LENG9: variants seen among roughly 807,000 people sequenced by gnomAD.
LENG9 encodes the protein leukocyte receptor cluster (LRC) member 9.
For synonymous variants in LENG9, 410 were observed against 303.9 expected (o/e 1.35, Z -3.63); for missense variants, 872 against 652.7 (o/e 1.34, Z -3.66).
In LENG9 at chr19:54,462,254, G is replaced by A; in HGVS notation, c.1273C>T (p.Leu425Phe). Reference protein sequence around the residue: ...LQSPGQLHPHLTVAKVPHGSQ... With the variant: ...LQSPGQLHPHFTVAKVPHGSQ... ...CCATGGGGCACCTTGGCCACGGTGA[G>A]GTGGGGGTGCAGCTGCCCTGGAGAC... Residue 425 changes from leucine to phenylalanine, a missense_variant, in exon 1 of 1, where the codon CTC becomes TTC. Transcript: ENST00000611161. The A allele has an allele frequency of 5.0e-6, 8 of 1,611,816 alleles. No homozygotes were observed. The highest frequency in any genetic ancestry group is 5.9e-6 in the Non-Finnish European group (7 of 1,178,680).
rs752707332 is a variant in LENG9 at position 54,462,716 on chromosome 19, C to G, written c.811G>C (p.Glu271Gln). The change falls in exon 1 of 1, where the codon GAA becomes CAA. Residue 271 changes from glutamate (E) to glutamine (Q), a missense_variant. Glu to Gln is a conservative substitution (Grantham distance 29). Transcript: ENST00000611161. ...CAGGCCGCAGGACCCCACTCGGCTT[C>G]TGTCGTCTCAGCGGAGCCCCCCGGG... is the stretch of plus-strand genomic sequence containing the variant. ...GVPGGSAETT[E>Q]AEWGPAAWPE... 1 of 1,610,850 alleles carries G rather than the reference C, an allele frequency of 6.2e-7. No homozygotes were observed. The highest frequency in any genetic ancestry group is 1.3e-5 in the African/African-American group (1 of 74,940).
At position 54,462,951 on chromosome 19, in the gene LENG9, G is replaced by A; in HGVS notation, c.576C>T (p.Ser192=). ...QEAQAAPKRG[S]TRPLCTGHQE... is the part of the protein sequence containing the mutation. The stretch of plus-strand genomic sequence containing the variant: ...GGTGCCCTGTGCAGAGCGGCCTTGT[G>A]CTCCCTCGCTTGGGGGCAGCCTGGG... Residue 192 remains serine, a synonymous_variant, in exon 1 of 1, where the codon AGC becomes AGT. Transcript: ENST00000611161. 6.2e-7 allele frequency: 1 copy of A among 1,610,726 alleles called. No homozygotes were observed. Among genetic ancestry groups the A allele is most frequent in the Non-Finnish European group, 8.5e-7 (1 of 1,179,876 alleles).
chr19:54,463,373 C>A lies in LENG9; in HGVS notation c.154G>T (p.Glu52Ter), dbSNP rs1314943055. 7.6e-7 allele frequency: 1 copy of A among 1,308,110 alleles called. No individual in the cohort carries two copies. The highest frequency in any genetic ancestry group is 9.7e-7 in the Non-Finnish European group (1 of 1,032,232). The allele number at this position is 1,308,110 out of a possible 1,614,324, so 81.0% of individuals were successfully genotyped here. A position where few individuals can be genotyped will look rare whatever the true frequency, so the allele number is the denominator to read the frequency against. Residue 52 changes from glutamate (E) to a stop codon, truncating the protein, a stop_gained, in exon 1 of 1, where the codon GAG (glutamate) becomes TAG (stop). Transcript: ENST00000611161. LOFTEE classifies it low-confidence loss of function (END_TRUNC). ...TTGGCCCCGGCCTCCGGCTGCGCCT[C>A]GCGGCCAGGCGGCGCCGGCGCCCCA... ...HPGAPAPPGR[E>*]AQPEAGAKKP...
Position 54,462,755 on chromosome 19 carries a change from G to C in LENG9, c.772C>G (p.Gln258Glu), listed in dbSNP as rs746859744. The change falls in exon 1 of 1, where the codon CAG becomes GAG. Residue 258 changes from glutamine (Q) to glutamate (E), a missense_variant. Physicochemically the swap from Gln to Glu is conservative, Grantham distance 29. Transcript: ENST00000611161. ...GAGCCCCCCGGGACTCCCAGGGCCT[G>C]TGCTTCCTTGCCCCCCAGCAATGTG... is the stretch of plus-strand genomic sequence containing the variant. ...RTTLLGGKEA[Q>E]ALGVPGGSAE... The C allele has an allele frequency of 1.1e-5, 18 of 1,611,226 alleles. 1 individual carries two copies. The highest frequency in any genetic ancestry group is 1.7e-6 in the Non-Finnish European group (2 of 1,179,992).
rs1190689656 is a variant in LENG9, at chr19:54,462,004, GAGAA to G, written c.*82_*85del. ...GCTTGAGAGAAACCAAAATTAAAGA[GAGAA>G]AGAGAGAGCGTGCACGCTCCTGCTT... On this transcript the variant is annotated 3_prime_UTR_variant, in exon 1 of 1. Transcript: ENST00000611161. 6.5e-5 allele frequency: 93 copies of G among 1,432,490 alleles called. No individual in the cohort carries two copies. The Middle Eastern group carries it at 9.0e-4, about 14-fold the overall frequency. 88.7% of individuals were successfully genotyped at this position (1,432,490 alleles called of 1,614,324 possible).
rs913867005 is a variant in LENG9, at chr19:54,462,578, C to T, written c.949G>A (p.Ala317Thr). The T allele has an allele frequency of 4.3e-6, 7 of 1,613,786 alleles. No individual in the cohort carries two copies. In the Admixed American group the frequency reaches 1.2e-4, roughly 27 times the overall value. ...GCCACGTGGACCAGGTATTCCTGGG[C>T]CTTGGTCACTTCTGCTTGTAGCCCA... ...EPGLQAEVTK[A>T]QEYLVHVAPH... The change falls in exon 1 of 1, where the codon GCC (alanine) becomes ACC (threonine). Residue 317 changes from alanine to threonine, a missense_variant. Coordinates refer to ENST00000611161, the MANE Select transcript of LENG9 (RefSeq NM_001301782.2).
chr19:54,463,191 C>G lies in LENG9; in HGVS notation c.336G>C (p.Ala112=), dbSNP rs1228251434. 6.4e-7 allele frequency: 1 copy of G among 1,565,810 alleles called. No individual in the cohort carries two copies. Among genetic ancestry groups the G allele is most frequent in the Admixed American group, 1.8e-5 (1 of 54,580 alleles). ...GCACTGCCAGCACGCCCGGCCCGAG[C>G]GCCGCCAGCGGCTGGTCCCAGCAAA... ...SAFCWDQPLA[A]LGPGVLAVPQ... The change falls in exon 1 of 1, where the codon GCG becomes GCC. Residue 112 remains alanine (A), a synonymous_variant. Coordinates refer to ENST00000611161, the MANE Select transcript of LENG9 (RefSeq NM_001301782.2).
In LENG9 at chr19:54,461,894, T is replaced by A. The variant is rs2084588114; in HGVS notation, c.*196A>T. 1 of 785,512 alleles carries A rather than the reference T, an allele frequency of 1.3e-6. No homozygotes were observed. Among genetic ancestry groups the A allele is most frequent in the Admixed American group, 1.9e-5 (1 of 52,786 alleles). The allele number at this position is 785,512 out of a possible 1,614,324, so 48.7% of individuals were successfully genotyped here. On this transcript the variant is annotated 3_prime_UTR_variant, in exon 1 of 1. Transcript: ENST00000611161. ...TGTCAGGCTGCTTTTTTTCCAGATGTTCCTCCTCTGCCTCCCCTTCCCCTC... is the reference window on the plus strand; with the variant it reads ...TGTCAGGCTGCTTTTTTTCCAGATGATCCTCCTCTGCCTCCCCTTCCCCTC...
In LENG9 at chr19:54,462,980, C is replaced by A. The variant is rs779824485; in HGVS notation, c.547G>T (p.Glu183Ter). Reference sequence around the variant, plus strand: ...CCTCGCTTGGGGGCAGCCTGGGCCTCCTGACCTGTCCCCGCCAGTGTCCAC... The same window carrying A: ...CCTCGCTTGGGGGCAGCCTGGGCCTACTGACCTGTCCCCGCCAGTGTCCAC... Reference protein sequence around the residue: ...AEWTLAGTGQEAQAAPKRGST... With the variant: ...AEWTLAGTGQ The change falls in exon 1 of 1, where the codon GAG (glutamate) becomes TAG (stop). Residue 183 changes from glutamate to a stop codon, truncating the protein, a stop_gained. Coordinates refer to ENST00000611161, the MANE Select transcript of LENG9 (RefSeq NM_001301782.2). LOFTEE classifies it low-confidence loss of function (END_TRUNC). 1 of 1,606,000 alleles carries A rather than the reference C, an allele frequency of 6.2e-7. No individual in the cohort carries two copies. Among genetic ancestry groups the A allele is most frequent in the East Asian group, 2.2e-5 (1 of 44,816 alleles).
chr19:54,463,629 GC>G lies in LENG9; in HGVS notation c.-104del. On this transcript the variant is annotated 5_prime_UTR_variant, in exon 1 of 1. Transcript: ENST00000611161. The stretch of plus-strand genomic sequence containing the variant: ...GCCTCACCCGACAGTGGCGTCAGCG[GC>G]CCGCGCTCCGGCCTAGCTCTGGGGA... 7.9e-7 allele frequency: 1 copy of G among 1,258,126 alleles called. No homozygotes were observed. The allele number at this position is 1,258,126 out of a possible 1,614,324, so 77.9% of individuals were successfully genotyped here.
Position 54,462,750 on chromosome 19 carries a change from G to T in LENG9, c.777C>A (p.Ala259=), listed in dbSNP as rs544775396. Reference sequence around the variant, plus strand: ...CAGCGGAGCCCCCCGGGACTCCCAGGGCCTGTGCTTCCTTGCCCCCCAGCA... The same window carrying T: ...CAGCGGAGCCCCCCGGGACTCCCAGTGCCTGTGCTTCCTTGCCCCCCAGCA... The part of the protein sequence containing the change: ...TTLLGGKEAQ[A]LGVPGGSAET... Residue 259 remains alanine (A), a synonymous_variant, in exon 1 of 1, where the codon GCC becomes GCA. Coordinates refer to ENST00000611161, the MANE Select transcript of LENG9 (RefSeq NM_001301782.2). 7 of 1,611,282 alleles carry T rather than the reference G, an allele frequency of 4.3e-6. No homozygotes were observed. Among genetic ancestry groups the T allele is most frequent in the Middle Eastern group, 1.7e-4 (1 of 6,060 alleles).
rs759033007 is a variant in LENG9 at position 54,462,502 on chromosome 19, A to G, written c.1025T>C (p.Leu342Pro). Residue 342 changes from leucine to proline, a missense_variant, in exon 1 of 1, where the codon CTG becomes CCG. Transcript: ENST00000611161. ...LVPSQNLHLT[L>P]ALLRLAGAGE... ...AGCGCCTGCCAGTCGCAGCAGGGCC[A>G]GGGTCAGGTGTAGGTTCTGAGAGGG... 3 of 1,613,496 alleles carry G rather than the reference A, an allele frequency of 1.9e-6. No homozygotes were observed. The highest frequency in any genetic ancestry group is 2.5e-6 in the Non-Finnish European group (3 of 1,180,020).
Position 54,463,418 on chromosome 19 carries a change from G to A in LENG9, c.109C>T (p.Arg37Cys). ...GCCCCAGGGTGGGGCTGGCGGCAGC[G>A]GGCGCCGAAGCGGCAGCGGCCTTCC... Reference protein sequence around the residue: ...FLEGRCRFGARCRQPHPGAPA... With the variant: ...FLEGRCRFGACCRQPHPGAPA... Residue 37 changes from arginine to cysteine, a missense_variant, in exon 1 of 1, where the codon CGC becomes TGC. Coordinates refer to ENST00000611161, the MANE Select transcript of LENG9 (RefSeq NM_001301782.2). 8.1e-7 allele frequency: 1 copy of A among 1,241,714 alleles called. No individual in the cohort carries two copies. The highest frequency in any genetic ancestry group is 1.0e-6 in the Non-Finnish European group (1 of 993,506). The allele number at this position is 1,241,714 out of a possible 1,614,324, so 76.9% of individuals were successfully genotyped here.
Position 54,462,545 on chromosome 19 carries a change from A to G in LENG9, c.982T>C (p.Cys328Arg). ...TGAGAGGGCACTAGGAAGTTGGCGC[A>G]GTGTGGGGCCACGTGGACCAGGTAT... is the stretch of plus-strand genomic sequence containing the variant. ...QEYLVHVAPH[C>R]ANFLVPSQNL... Residue 328 changes from cysteine (C) to arginine (R), a missense_variant, in exon 1 of 1, where the codon TGC becomes CGC. Cys to Arg is a radical substitution (Grantham distance 180). Coordinates refer to ENST00000611161, the MANE Select transcript of LENG9 (RefSeq NM_001301782.2). 1 of 1,613,674 alleles carries G rather than the reference A, an allele frequency of 6.2e-7. No individual in the cohort carries two copies. Among genetic ancestry groups the G allele is most frequent in the Non-Finnish European group, 8.5e-7 (1 of 1,180,006 alleles).
In LENG9 at chr19:54,461,977, A is replaced by G; in HGVS notation, c.*113T>C. 1 of 1,209,684 alleles carries G rather than the reference A, an allele frequency of 8.3e-7. No individual in the cohort carries two copies. The highest frequency in any genetic ancestry group is 1.2e-6 in the Non-Finnish European group (1 of 833,656). The allele number at this position is 1,209,684 out of a possible 1,614,324, so 74.9% of individuals were successfully genotyped here. A position where few individuals can be genotyped will look rare whatever the true frequency, so the allele number is the denominator to read the frequency against. On this transcript the variant is annotated 3_prime_UTR_variant, in exon 1 of 1. Transcript: ENST00000611161. ...CCTTGGAGCACTGAGCACCATTTGGAAGCTTGAGAGAAACCAAAATTAAAG... is the reference window on the plus strand; with the variant it reads ...CCTTGGAGCACTGAGCACCATTTGGGAGCTTGAGAGAAACCAAAATTAAAG...
Position 54,463,382 on chromosome 19 carries a change from G to A in LENG9, c.145C>T (p.Pro49Ser). 1 of 1,295,584 alleles carries A rather than the reference G, an allele frequency of 7.7e-7. No homozygotes were observed. Among genetic ancestry groups the A allele is most frequent in the East Asian group, 3.2e-5 (1 of 31,488 alleles). The allele number at this position is 1,295,584 out of a possible 1,614,324, so 80.3% of individuals were successfully genotyped here. A position where few individuals can be genotyped will look rare whatever the true frequency, so the allele number is the denominator to read the frequency against. ...GCCTCCGGCTGCGCCTCGCGGCCAGGCGGCGCCGGCGCCCCAGGGTGGGGC... is the reference window on the plus strand; with the variant it reads ...GCCTCCGGCTGCGCCTCGCGGCCAGACGGCGCCGGCGCCCCAGGGTGGGGC... Reference protein sequence around the residue: ...RQPHPGAPAPPGREAQPEAGA... With the variant: ...RQPHPGAPAPSGREAQPEAGA... The change falls in exon 1 of 1, where the codon CCT (proline) becomes TCT (serine). Residue 49 changes from proline to serine, a missense_variant. Physicochemically the swap from Pro to Ser is moderately conservative, Grantham distance 74 (BLOSUM62 -1). Coordinates refer to ENST00000611161, the MANE Select transcript of LENG9 (RefSeq NM_001301782.2).
Position 54,462,553 on chromosome 19 carries a change from GCC to G in LENG9, c.972_973del (p.Ala325ProfsTer53). ...CACTAGGAAGTTGGCGCAGTGTGGGGCCACGTGGACCAGGTATTCCTGGGCCT... is the reference window on the plus strand; with the variant it reads ...CACTAGGAAGTTGGCGCAGTGTGGGGACGTGGACCAGGTATTCCTGGGCCT... On this transcript the variant is annotated frameshift_variant, in exon 1 of 1. Coordinates refer to ENST00000611161, the MANE Select transcript of LENG9 (RefSeq NM_001301782.2). LOFTEE classifies it low-confidence loss of function (END_TRUNC). 1 of 1,613,722 alleles carries G rather than the reference GCC, an allele frequency of 6.2e-7. No homozygotes were observed. The highest frequency in any genetic ancestry group is 1.1e-5 in the South Asian group (1 of 91,088).
chr19:54,462,262 T>C lies in LENG9; in HGVS notation c.1265A>G (p.His422Arg). The C allele has an allele frequency of 6.2e-7, 1 of 1,610,132 alleles. No homozygotes were observed. The highest frequency in any genetic ancestry group is 1.3e-5 in the African/African-American group (1 of 74,974). ...CACCTTGGCCACGGTGAGGTGGGGGTGCAGCTGCCCTGGAGACTGTAGTGT... is the reference window on the plus strand; with the variant it reads ...CACCTTGGCCACGGTGAGGTGGGGGCGCAGCTGCCCTGGAGACTGTAGTGT... ...LSTLQSPGQLHPHLTVAKVPH... is the reference protein window; with the variant it reads ...LSTLQSPGQLRPHLTVAKVPH... Residue 422 changes from histidine (H) to arginine (R), a missense_variant, in exon 1 of 1, where the codon CAC (histidine) becomes CGC (arginine). Physicochemically the swap from His to Arg is conservative, Grantham distance 29. Coordinates refer to ENST00000611161, the MANE Select transcript of LENG9 (RefSeq NM_001301782.2).
chr19:54,463,122 C>A lies in LENG9; in HGVS notation c.405G>T (p.Val135=). 6.3e-7 allele frequency: 1 copy of A among 1,599,448 alleles called. No homozygotes were observed. The highest frequency in any genetic ancestry group is 2.2e-5 in the East Asian group (1 of 44,646). Residue 135 remains valine, a synonymous_variant, in exon 1 of 1, where the codon GTG becomes GTT. Transcript: ENST00000611161. ...GGTCGGTGCGCGAGGCGCGGTCCCA[C>A]ACAAGGCGGCCACGGAAGCGGAAGA... The part of the protein sequence containing the change: ...VRFFRFRGRL[V]WDRASRTDLV...
Sources: gnomAD v4.1 joint callset for allele counts on GRCh38, gnomAD v4.1.1 for gene constraint, MANE v1.5 for transcripts, NCBI Gene and HGNC (gene_info 2026-07-23, HGNC 2026-07-21) for gene names.